LRRC4C: variants seen among roughly 807,000 people sequenced by gnomAD.
LRRC4C encodes the protein leucine-rich repeat-containing protein 4C.
In LRRC4C, 5 loss-of-function variants were observed where a neutral mutation model predicts 33.6. The ratio of observed to expected loss-of-function variants is 0.15; its 90% CI spans 0.08 to 0.31. The LOEUF (loss-of-function observed/expected upper bound fraction) is 0.31. Among genes scored for constraint, LRRC4C ranks in the 10% least tolerant of loss-of-function variants. LRRC4C has a pLI of 1.00. For missense variants in LRRC4C, 560 were observed against 796.7 expected, an observed-to-expected ratio of 0.70 and a Z score of 3.58; for synonymous variants, 329 against 302.0, an observed-to-expected ratio of 1.09 and a Z score of -0.93.
At chr11:40,635,402 A>G (rs889874248) in intron 3 of LRRC4C, among the ~76,000 whole-genome samples, 1 of 152,170 alleles carries the variant, frequency 6.6e-6, no homozygotes, top group African/African-American at 2.4e-5. Flanking sequence ...CAGGCTTTGG[A>G]GAGCTAGATG....
intron 3 of LRRC4C, among the ~76,000 whole-genome samples, chr11:40,428,967 C>T (rs1454799048): frequency 6.6e-6 from 1 of 152,156 alleles, no homozygotes; most frequent in Non-Finnish European, 1.5e-5. Context: ...GAATTGCCTA[C>T]ACTTATTAAT....
intron 3 of LRRC4C, among the ~76,000 whole-genome samples, chr11:40,631,169 G>A (rs1963449628): frequency 6.6e-6 from 1 of 152,182 alleles, no homozygotes; most frequent in Non-Finnish European, 1.5e-5. Flanking sequence ...TCAGAAATGA[G>A]CTGGAATCTC....
rs534532386 is a variant in LRRC4C, at chr11:40,122,329, T to C, written c.-42-5995A>G. ...TACATAGGTTAAACGTGTGCCATAG[T>C]GGTTTGCTACACCTATCAACCCATC... On this transcript the variant is annotated intron_variant, in intron 6 of 6. Transcript: ENST00000528697. 7.9e-4 allele frequency among the ~76,000 whole-genome samples: 120 copies of C among 152,260 alleles called. 6 individuals carry two copies. In the South Asian group the frequency reaches 0.016, roughly 20 times the overall value.
chr11:40,824,476 A>G (rs1368397607), intron 2 of LRRC4C, among the ~76,000 whole-genome samples: 1 of 151,930 alleles, frequency 6.6e-6, no homozygotes, highest in Non-Finnish European at 1.5e-5. Flanking sequence ...CAGAAAAGGC[A>G]TCTTACAGTA....
chr11:41,215,491 A>G (rs1010344246), intron 1 of LRRC4C, among the ~76,000 whole-genome samples: 3 of 151,068 alleles, frequency 2.0e-5, no homozygotes, highest in African/African-American at 4.9e-5. Flanking sequence ...CCATCTCAAA[A>G]AAAAAAAAAA....
chr11:41,104,518 A>C (rs1941381981), intron 1 of LRRC4C, among the ~76,000 whole-genome samples: 1 of 151,958 alleles, frequency 6.6e-6, no homozygotes, highest in Admixed American at 6.6e-5. Context: ...CAGGTGGGAA[A>C]ATGAGATCGT....
At chr11:40,394,698 A>G (rs1246632875) in intron 3 of LRRC4C, among the ~76,000 whole-genome samples, 1 of 152,142 alleles carries the variant, frequency 6.6e-6, no homozygotes, top group Non-Finnish European at 1.5e-5. Context: ...AATGCAGAAC[A>G]GGTAAATAAT....
chr11:40,499,159 A>T (rs1954618590), intron 3 of LRRC4C, among the ~76,000 whole-genome samples: 1 of 152,164 alleles, frequency 6.6e-6, no homozygotes, highest in African/African-American at 2.4e-5. Context: ...GGAAAATGAG[A>T]TGTCAGCCTT....
At chr11:40,747,466 T>G (rs554642619) in intron 2 of LRRC4C, among the ~76,000 whole-genome samples, 1 of 152,070 alleles carries the variant, frequency 6.6e-6, no homozygotes, top group African/African-American at 2.4e-5. Flanking sequence ...ACCAGATGTA[T>G]ATATATAAAC....
chr11:40,172,119 G>C (rs1860098081), intron 5 of LRRC4C, among the ~76,000 whole-genome samples: 1 of 152,122 alleles, frequency 6.6e-6, no homozygotes, highest in South Asian at 2.1e-4. Context: ...TGTCGTTTGA[G>C]AAAACCTAGA....
chr11:40,783,270 G>GTTTTATTTTA (rs140877222), intron 2 of LRRC4C, among the ~76,000 whole-genome samples: 9 of 150,284 alleles, frequency 6.0e-5, no homozygotes, highest in African/African-American at 1.7e-4. Flanking sequence ...AGTGAGCACT[G>GTTTTATTTTA]TTTTATTTTA....
chr11:40,154,287 C>CAAAAAAAAAAAAAAA (rs60017606), intron 5 of LRRC4C, among the ~76,000 whole-genome samples: 2 of 114,198 alleles, frequency 1.8e-5, no homozygotes, highest in African/African-American at 6.4e-5. Flanking sequence ...AGCTAAAAAG[C>CAAAAAAAAAAAAAAA]AAAAAAAAAA....
At chr11:40,832,225 CA>C (rs1201271146) in intron 2 of LRRC4C, among the ~76,000 whole-genome samples, 2 of 151,730 alleles carry the variant, frequency 1.3e-5, no homozygotes, top group African/African-American at 2.4e-5. Flanking sequence ...CATATCTAAA[CA>C]AAAAAAGATA....
intron 3 of LRRC4C, among the ~76,000 whole-genome samples, chr11:40,530,343 A>G (rs1565478225): frequency 6.6e-6 from 1 of 152,148 alleles, no homozygotes; most frequent in Admixed American, 6.6e-5. Flanking sequence ...ATGAATTTAT[A>G]GGATGTCGCA....
intron 5 of LRRC4C, among the ~76,000 whole-genome samples, chr11:40,158,428 T>C (rs1858887895): frequency 6.6e-6 from 1 of 152,094 alleles, no homozygotes. Flanking sequence ...TTTTAAAAAT[T>C]ACATTTATCT....
At chr11:40,875,006 G>T (rs956965336) in intron 2 of LRRC4C, among the ~76,000 whole-genome samples, 1 of 152,216 alleles carries the variant, frequency 6.6e-6, no homozygotes, top group Admixed American at 6.6e-5. Flanking sequence ...AATCAACATA[G>T]AAATCATTTC....
At chr11:40,861,465 C>A (rs575678429) in intron 2 of LRRC4C, among the ~76,000 whole-genome samples, 1 of 152,044 alleles carries the variant, frequency 6.6e-6, no homozygotes, top group Non-Finnish European at 1.5e-5. Context: ...CATTCCATTA[C>A]CAAAAACTTG....
intron 1 of LRRC4C, among the ~76,000 whole-genome samples, chr11:40,975,414 C>T (rs887486807): frequency 6.6e-6 from 1 of 152,142 alleles, no homozygotes; most frequent in African/African-American, 2.4e-5. Context: ...AGCTTGACCC[C>T]GCATGATACA....
intron 3 of LRRC4C, among the ~76,000 whole-genome samples, chr11:40,536,812 T>A (rs2135354828): frequency 6.6e-6 from 1 of 152,278 alleles, no homozygotes; most frequent in Admixed American, 6.5e-5. Context: ...AATTTCTCCC[T>A]TCTTTTCTGT....
Sources: allele counts gnomAD v4.1 joint callset (sites outside exome capture counted in the v4.1 genomes callset), GRCh38; gene constraint gnomAD v4.1.1; transcripts MANE v1.5; gene names NCBI Gene and HGNC (gene_info 2026-07-23, HGNC 2026-07-21).